CFAP20DC: variants seen among roughly 807,000 people sequenced by gnomAD.
CFAP20DC encodes CFAP20 domain containing.
A neutral mutation model predicts 101.7 loss-of-function variants in CFAP20DC; 84 were observed. The observed-to-expected ratio is 0.83, with a 90% CI of 0.69 to 0.99. CFAP20DC has a LOEUF of 0.99. Among genes scored for constraint, CFAP20DC ranks in the 50% least tolerant of loss-of-function variants. The probability of loss-of-function intolerance (pLI) is 0.00; values close to 1 mark genes in which losing one functional copy is unlikely to be tolerated. For synonymous variants in CFAP20DC, 359 were observed against 351.2 expected (o/e 1.02, Z -0.25); for missense variants, 1,007 against 970.3 (o/e 1.04, Z -0.50).
intron 15 of CFAP20DC, among the ~76,000 whole-genome samples, chr3:58,758,727 C>G (rs549329906): frequency 2.6e-5 from 4 of 152,112 alleles, no homozygotes; most frequent in African/African-American, 9.6e-5. Flanking sequence ...GTGATTTTTC[C>G]CTTCCTGTGT....
intron 4 of CFAP20DC, among the ~76,000 whole-genome samples, chr3:58,953,079 TGGGAAG>T (rs2090297235): frequency 6.6e-6 from 1 of 151,530 alleles, no homozygotes; most frequent in African/African-American, 2.4e-5. Context: ...CTGATAGGGG[TGGGAAG>T]TATTATTTTA....
chr3:58,816,737 T>A lies in CFAP20DC; in HGVS notation c.2176-10281A>T, dbSNP rs893603243. 5.2e-4 allele frequency among the ~76,000 whole-genome samples: 79 copies of A among 152,274 alleles called. 1 individual carries two copies. Among genetic ancestry groups the A allele is most frequent in the Admixed American group, 4.2e-3 (65 of 15,304 alleles). On this transcript the variant is annotated intron_variant, in intron 14 of 16. Coordinates refer to ENST00000482387, the MANE Select transcript of CFAP20DC (RefSeq NM_001394063.1). ...GAGGGGCGCCCGCCATTGCCCAGGC[T>A]TGCTTAGGTAAACAAAGCAGCCAGG... is the stretch of plus-strand genomic sequence containing the variant.
chr3:58,915,711 T>C (rs1021255965), intron 5 of CFAP20DC, among the ~76,000 whole-genome samples: 27 of 152,150 alleles, frequency 1.8e-4, no homozygotes, highest in African/African-American at 6.3e-4. Context: ...AAAAAAACAT[T>C]TTAAAAATTG....
intron 15 of CFAP20DC, among the ~76,000 whole-genome samples, chr3:58,756,084 A>G (rs1029741459): frequency 6.6e-5 from 10 of 152,184 alleles, no homozygotes; most frequent in Admixed American, 5.9e-4. Context: ...GGCAGAGTTA[A>G]GTAATTTATT....
At chr3:58,783,897 T>G (rs1400453932) in intron 15 of CFAP20DC, among the ~76,000 whole-genome samples, 1 of 152,122 alleles carries the variant, frequency 6.6e-6, no homozygotes, top group Non-Finnish European at 1.5e-5. Context: ...TGTGCAGATT[T>G]GTTATGTGGG....
At chr3:58,883,695 G>C (rs1465860454) in intron 7 of CFAP20DC, among the ~76,000 whole-genome samples, 1 of 152,118 alleles carries the variant, frequency 6.6e-6, no homozygotes, top group African/African-American at 2.4e-5. Flanking sequence ...CAGTGTTTGT[G>C]AGTGTCACCT....
rs868829974 is a variant in CFAP20DC, at chr3:58,807,825, A to G, written c.2176-1369T>C. Among the ~76,000 whole-genome samples, 36 of 152,230 alleles carry G rather than the reference A, an allele frequency of 2.4e-4. No homozygotes were observed. In the Middle Eastern group the frequency reaches 0.01, roughly 43 times the overall value. On this transcript the variant is annotated intron_variant, in intron 14 of 16. Transcript: ENST00000482387. ...AAGTTAAAAACTTTGAAAAAAATTTAGAAGAATGTATAACTAGAATAACCA... is the reference window on the plus strand; with the variant it reads ...AAGTTAAAAACTTTGAAAAAAATTTGGAAGAATGTATAACTAGAATAACCA...
At chr3:58,775,494 T>G (rs1489066380) in intron 15 of CFAP20DC, among the ~76,000 whole-genome samples, 1 of 152,180 alleles carries the variant, frequency 6.6e-6, no homozygotes, top group African/African-American at 2.4e-5. Flanking sequence ...ACAAATAGTT[T>G]CATTATGAAA....
rs1360485702 is a variant in CFAP20DC, at chr3:58,717,824, C to T, written c.198-196G>A. 1.3e-5 allele frequency among the ~76,000 whole-genome samples: 2 copies of T among 152,002 alleles called. No individual in the cohort carries two copies. Among genetic ancestry groups the T allele is most frequent in the Non-Finnish European group, 2.9e-5 (2 of 67,992 alleles). ...CAGCTGGATGAGACTCTGGGGAGGG[C>T]GTATTCTAACTGGGTATACTGCAGC... On this transcript the variant is annotated intron_variant, in intron 3 of 3. Coordinates refer to the CFAP20DC transcript ENST00000486145. This position sits in a 1 kb window ranked among gnomAD's most constrained non-coding sequence, Gnocchi z 4.1.
Position 58,855,355 on chromosome 3 carries a change from G to A in CFAP20DC, c.1594-5946C>T, listed in dbSNP as rs556873513. ...GGAAACAACAGGTGCTGGAGAGGAT[G>A]TGGAGAAATAGGAACACTTTTACAC... is the stretch of plus-strand genomic sequence containing the variant. On this transcript the variant is annotated intron_variant, in intron 12 of 16. Transcript: ENST00000482387. Among the ~76,000 whole-genome samples, 316 of 152,286 alleles carry A rather than the reference G, an allele frequency of 2.1e-3. 3 individuals carry two copies. The highest frequency in any genetic ancestry group is 7.3e-3 in the African/African-American group (304 of 41,558).
intron 4 of CFAP20DC, among the ~76,000 whole-genome samples, chr3:58,962,427 G>C (rs190406647): frequency 6.6e-6 from 1 of 152,098 alleles, no homozygotes; most frequent in South Asian, 2.1e-4. Context: ...CTCGTTTCAT[G>C]GCCTAGCATT....
Position 58,937,691 on chromosome 3 carries a change from G to C in CFAP20DC, c.350C>G (p.Pro117Arg). 6.2e-7 allele frequency: 1 copy of C among 1,612,682 alleles called. No individual in the cohort carries two copies. Among genetic ancestry groups the C allele is most frequent in the South Asian group, 1.1e-5 (1 of 91,032 alleles). Residue 117 changes from proline to arginine, a missense_variant, in exon 5 of 17, where the codon CCT becomes CGT. Pro to Arg is a moderately radical substitution (Grantham distance 103). Coordinates refer to ENST00000482387, the MANE Select transcript of CFAP20DC (RefSeq NM_001394063.1). Reference sequence around the variant, plus strand: ...GAAGAGTGGAATTTTTGCATGAAGAGGGGTGGAGGATAGTTCCTTATGGAC... The same window carrying C: ...GAAGAGTGGAATTTTTGCATGAAGACGGGTGGAGGATAGTTCCTTATGGAC... ...STVHKELSSTPLHAKIPLFMI... is the reference protein window; with the variant it reads ...STVHKELSSTRLHAKIPLFMI...
Position 58,788,217 on chromosome 3 carries a change from G to A in CFAP20DC, c.2237+18178C>T, listed in dbSNP as rs1215909375. Among the ~76,000 whole-genome samples the A allele has an allele frequency of 1.3e-5, 2 of 151,864 alleles. No individual in the cohort carries two copies. Among genetic ancestry groups the A allele is most frequent in the African/African-American group, 4.8e-5 (2 of 41,350 alleles). On this transcript the variant is annotated intron_variant, in intron 15 of 16. Transcript: ENST00000482387. This position sits in a 1 kb window ranked among gnomAD's most constrained non-coding sequence, Gnocchi z 4.2. ...ACAAAACTCCAACTCACTGCATACA[G>A]ACAGATTCTGAGCACGCAGTGAGAA...
chr3:58,949,270 T>G (rs563800756), intron 4 of CFAP20DC, among the ~76,000 whole-genome samples: 9 of 152,294 alleles, frequency 5.9e-5, no homozygotes, highest in African/African-American at 1.7e-4. Flanking sequence ...AGGTTTTTTT[T>G]GTCTCTATTT....
intron 14 of CFAP20DC, among the ~76,000 whole-genome samples, chr3:58,808,148 T>A (rs1044898757): frequency 7.2e-5 from 11 of 152,176 alleles, no homozygotes; most frequent in Non-Finnish European, 1.5e-4. Context: ...CTGCAAGATA[T>A]TATCCAGGAG....
intron 16 of CFAP20DC, among the ~76,000 whole-genome samples, chr3:58,752,840 G>GA (rs920146291): frequency 2.0e-5 from 3 of 151,186 alleles, no homozygotes; most frequent in East Asian, 1.9e-4. Context: ...GGGCAGTTAG[G>GA]AAAAAAAACA....
At chr3:58,980,609 T>G (rs1291345778) in intron 4 of CFAP20DC, among the ~76,000 whole-genome samples, 4 of 152,120 alleles carry the variant, frequency 2.6e-5, no homozygotes, top group East Asian at 1.9e-4. Flanking sequence ...AAAAACCACA[T>G]GATTATCTCA....
downstream of CFAP20DC, chr3:58,737,149 A>C (rs1339865181): frequency 2.2e-6 from 1 of 456,614 alleles, no homozygotes; most frequent in Admixed American, 2.3e-5. This position sits in a 1 kb window ranked among gnomAD's most constrained non-coding sequence, Gnocchi z 4.1. Context: ...TTCAGGCTTC[A>C]GCATACCTTG....
At chr3:58,767,176 T>G (rs1168988246) in intron 15 of CFAP20DC, among the ~76,000 whole-genome samples, 1 of 152,190 alleles carries the variant, frequency 6.6e-6, no homozygotes, top group Admixed American at 6.5e-5. Context: ...TACTTGATAT[T>G]GAAAGTCTCC....
Sources: gnomAD v4.1 joint callset for allele counts (sites outside exome capture counted in the v4.1 genomes callset) on GRCh38, gnomAD v4.1.1 for gene constraint, Gnocchi (gnomAD v3.1) non-coding constraint, MANE v1.5 for transcripts, NCBI Gene and HGNC (gene_info 2026-07-23, HGNC 2026-07-21) for gene names.